The following ZNF827 variants were observed in gnomAD, a reference collection of about 807,000 sequenced individuals.
ZNF827 encodes zinc finger protein 827.
Under a neutral mutation model 102.4 loss-of-function variants are expected in ZNF827, and 13 were observed. The observed-to-expected ratio is 0.13, with a 90% CI of 0.08 to 0.20. ZNF827 has a LOEUF of 0.20. Among genes scored for constraint, ZNF827 ranks in the 10% least tolerant of loss-of-function variants. The probability of loss-of-function intolerance (pLI) is 1.00; values close to 1 mark genes in which losing one functional copy is unlikely to be tolerated. For synonymous variants in ZNF827, 523 were observed against 536.2 expected, an observed-to-expected ratio of 0.98 and a Z score of 0.34; for missense variants, 1,103 against 1,344.4, an observed-to-expected ratio of 0.82 and a Z score of 2.81.
intron 2 of ZNF827, among the ~76,000 whole-genome samples, chr4:145,901,180 C>A (rs1428605613): frequency 6.6e-6 from 1 of 152,144 alleles, no homozygotes; most frequent in Non-Finnish European, 1.5e-5. Context: ...TGAAAATAAT[C>A]AAAAGTTGGC....
intron 5 of ZNF827, among the ~76,000 whole-genome samples, chr4:145,860,765 A>G (rs900703355): frequency 6.6e-6 from 1 of 152,246 alleles, no homozygotes; most frequent in Non-Finnish European, 1.5e-5. Flanking sequence ...AGAAGGGAAG[A>G]CAAAGATCCC....
At chr4:145,783,781 A>C (rs1010255319) in intron 8 of ZNF827, among the ~76,000 whole-genome samples, 1 of 152,238 alleles carries the variant, frequency 6.6e-6, no homozygotes, top group Non-Finnish European at 1.5e-5. Context: ...TGAAGACAAA[A>C]GCCAACTCCC....
At chr4:145,814,086 T>G (rs545326527) in intron 8 of ZNF827, among the ~76,000 whole-genome samples, 1 of 152,322 alleles carries the variant, frequency 6.6e-6, no homozygotes, top group African/African-American at 2.4e-5. Context: ...ATTCGAAGCT[T>G]TTTGAGCACC....
At chr4:145,764,156 G>C (rs1734931414) in intron 13 of ZNF827, among the ~76,000 whole-genome samples, 2 of 152,238 alleles carry the variant, frequency 1.3e-5, no homozygotes, top group South Asian at 4.1e-4. Context: ...TCGTTTAGCT[G>C]AGAATTAGTA....
rs571630750 is a variant in ZNF827, at chr4:145,898,967, G to A, written c.1093+3199C>T. Among the ~76,000 whole-genome samples the A allele has an allele frequency of 3.3e-5, 5 of 152,044 alleles. No homozygotes were observed. The South Asian group carries it at 8.3e-4, about 25-fold the overall frequency. ...TTTTTCTTGCGCATTTTGAGAAATC[G>A]CTTTTTAAAAATGAAAGCCCTGCCT... On this transcript the variant is annotated intron_variant, in intron 2 of 14. Coordinates refer to ENST00000508784, the MANE Select transcript of ZNF827 (RefSeq NM_001306215.2).
At chr4:145,819,052 G>A (rs1742878868) in intron 8 of ZNF827, among the ~76,000 whole-genome samples, 1 of 151,810 alleles carries the variant, frequency 6.6e-6, no homozygotes, top group Non-Finnish European at 1.5e-5. Context: ...TGTGAGGGGT[G>A]CTGATGTTCA....
chr4:145,811,613 A>C (rs1742017964), intron 8 of ZNF827, among the ~76,000 whole-genome samples: 1 of 152,220 alleles, frequency 6.6e-6, no homozygotes, highest in South Asian at 2.1e-4. Context: ...CATGTTTCCC[A>C]AGCAAGAGGG....
At chr4:145,859,780 G>A (rs1005643589) in intron 5 of ZNF827, among the ~76,000 whole-genome samples, 4 of 152,116 alleles carry the variant, frequency 2.6e-5, no homozygotes, top group Non-Finnish European at 4.4e-5. Flanking sequence ...ACTGGATAGC[G>A]AGACCCTAGT....
At chr4:145,789,419 A>G (rs939133887) in intron 8 of ZNF827, among the ~76,000 whole-genome samples, 3 of 152,260 alleles carry the variant, frequency 2.0e-5, no homozygotes, top group Non-Finnish European at 2.9e-5. Flanking sequence ...GTACATAATT[A>G]AAACAATAGC....
In ZNF827 at chr4:145,765,614, A is replaced by T; in HGVS notation, c.2985T>A (p.Asn995Lys). 1 of 1,614,006 alleles carries T rather than the reference A, an allele frequency of 6.2e-7. No homozygotes were observed. The highest frequency in any genetic ancestry group is 8.5e-7 in the Non-Finnish European group (1 of 1,179,998). The change falls in exon 12 of 15, where the codon AAT becomes AAA. Residue 995 changes from asparagine (N) to lysine (K), a missense_variant. Transcript: ENST00000508784. The surrounding 1 kb of genome is among the most constrained non-coding windows in gnomAD (Gnocchi z 4.7). ...CAGGCATGACAGAGATGACCAGCAG[A>T]TTGTTCCCGCCCTTGTTTTTCTGGG... ...DGSQKNKGGN[N>K]LLVISVMPGS... is the part of the protein sequence containing the mutation.
chr4:145,917,167 C>T (rs972612678), intron 1 of ZNF827, among the ~76,000 whole-genome samples: 11 of 152,184 alleles, frequency 7.2e-5, no homozygotes, highest in African/African-American at 2.4e-4. Flanking sequence ...TATCCATTAC[C>T]CAGTTCCAGA....
intron 8 of ZNF827, among the ~76,000 whole-genome samples, chr4:145,796,314 A>G (rs548647276): frequency 6.6e-6 from 1 of 152,330 alleles, no homozygotes; most frequent in South Asian, 2.1e-4. Flanking sequence ...TTTGTGCATA[A>G]AATATCTCTG....
chr4:145,898,512 T>C (rs1252848974), intron 2 of ZNF827, among the ~76,000 whole-genome samples: 1 of 152,234 alleles, frequency 6.6e-6, no homozygotes. Context: ...ACCATTTATT[T>C]TATTCTTAGC....
intron 2 of ZNF827, among the ~76,000 whole-genome samples, chr4:145,898,605 A>G (rs1224740160): frequency 6.6e-6 from 1 of 152,128 alleles, no homozygotes; most frequent in Non-Finnish European, 1.5e-5. Context: ...TCTTCCCTCT[A>G]TCGTGTCCCC....
chr4:145,911,833 T>C (rs776843103), intron 1 of ZNF827, among the ~76,000 whole-genome samples: 1 of 152,220 alleles, frequency 6.6e-6, no homozygotes, highest in African/African-American at 2.4e-5. Flanking sequence ...AGCCACTGCA[T>C]ACAGTAGGCT....
Position 145,902,689 on chromosome 4 carries a change from T to C in ZNF827, c.570A>G (p.Ile190Met), listed in dbSNP as rs779461507. The C allele has an allele frequency of 3.1e-6, 5 of 1,613,894 alleles. No individual in the cohort carries two copies. In the African/African-American group the frequency reaches 4.0e-5, roughly 13 times the overall value. ...NDQYTPSNRF[I>M]WNQGKWLPNS... ...TTGGCAACCACTTACCTTGATTCCA[T>C]ATAAAACGGTTACTTGGAGTGTATT... Residue 190 changes from isoleucine (I) to methionine (M), a missense_variant, in exon 2 of 15, where the codon ATA (isoleucine) becomes ATG (methionine). Around this residue, in one of 5 missense-constraint regions of ZNF827, gnomAD observed 441 missense variants for 458.6 expected, o/e 0.96. Transcript: ENST00000508784. The surrounding 1 kb of genome is among the most constrained non-coding windows in gnomAD (Gnocchi z 4.3).
In ZNF827 at chr4:145,902,266, A is replaced by T; in HGVS notation, c.993T>A (p.Pro331=). The T allele has an allele frequency of 6.3e-7, 1 of 1,589,378 alleles. No individual in the cohort carries two copies. Among genetic ancestry groups the T allele is most frequent in the Non-Finnish European group, 8.5e-7 (1 of 1,169,730 alleles). Residue 331 remains proline (P), a synonymous_variant, in exon 2 of 15, where the codon CCT becomes CCA. Transcript: ENST00000508784. The surrounding 1 kb of genome is among the most constrained non-coding windows in gnomAD (Gnocchi z 4.3). ...EKKPEKVTPP[P]PPPPPPPPPP... The stretch of plus-strand genomic sequence containing the variant: ...GTGGAGGTGGTGGAGGTGGCGGTGG[A>T]GGTGGCGGAGTGACTTTTTCTGGTT...
Position 145,883,560 on chromosome 4 carries a change from G to A in ZNF827, c.1747+2118C>T, listed in dbSNP as rs144728487. 8.5e-5 allele frequency among the ~76,000 whole-genome samples: 13 copies of A among 152,262 alleles called. No individual in the cohort carries two copies. In the East Asian group the frequency reaches 9.7e-4, roughly 11 times the overall value. ...GATTGGGTCTAGAGCTAATTACAGC[G>A]TAATGTGAGCACTCAGAGCTGAGCC... On this transcript the variant is annotated intron_variant, in intron 4 of 14. Transcript: ENST00000508784.
intron 1 of ZNF827, among the ~76,000 whole-genome samples, chr4:145,908,356 G>A (rs1490941790): frequency 6.6e-6 from 1 of 152,180 alleles, no homozygotes; most frequent in Non-Finnish European, 1.5e-5. Context: ...TAGGATTGGA[G>A]AGATGCTTTC....
Sources: allele counts gnomAD v4.1 joint callset (sites outside exome capture counted in the v4.1 genomes callset), GRCh38; gene constraint gnomAD v4.1.1; regional missense constraint gnomAD v4.1.1; non-coding constraint Gnocchi (gnomAD v3.1); transcripts MANE v1.5; gene names NCBI Gene and HGNC (gene_info 2026-07-23, HGNC 2026-07-21).